The following PLCB1 variants were observed in gnomAD, a reference collection of about 807,000 sequenced individuals.
PLCB1 encodes the protein 1-phosphatidylinositol 4,5-bisphosphate phosphodiesterase beta-1.
A neutral mutation model predicts 161.8 loss-of-function variants in PLCB1; 46 were observed. The observed-to-expected ratio is 0.28, with a 90% confidence interval of 0.22 to 0.36. The LOEUF is 0.36. Ranked by LOEUF, PLCB1 falls within the 10% of genes least tolerant of loss-of-function variation. The probability of loss-of-function intolerance (pLI) is 1.00; values close to 1 mark genes in which losing one functional copy is unlikely to be tolerated. For synonymous variants in PLCB1, 517 were observed against 503.7 expected (o/e 1.03, Z -0.35); for missense variants, 1,016 against 1,472.5 (o/e 0.69, Z 5.07).
chr20:8,359,098 A>AT (rs201010868), intron 2 of PLCB1, among the ~76,000 whole-genome samples: 4 of 150,574 alleles, frequency 2.7e-5, no homozygotes, highest in African/African-American at 7.3e-5. Context: ...TTTTTACACA[A>AT]TTTTTTTTTT....
At chr20:8,326,247 A>G (rs569668158) in intron 2 of PLCB1, among the ~76,000 whole-genome samples, 1 of 152,318 alleles carries the variant, frequency 6.6e-6, no homozygotes, top group South Asian at 2.1e-4. Context: ...ATAGTGATAT[A>G]TTGACCTCTA....
At chr20:8,872,201 A>G (rs1290895988) in intron 31 of PLCB1, among the ~76,000 whole-genome samples, 1 of 152,210 alleles carries the variant, frequency 6.6e-6, no homozygotes, top group Admixed American at 6.5e-5. Context: ...AGCAAATATA[A>G]TTATTTAGGA....
chr20:8,841,700 A>G (rs1003856383), intron 31 of PLCB1, among the ~76,000 whole-genome samples: 5 of 152,294 alleles, frequency 3.3e-5, no homozygotes, highest in African/African-American at 7.2e-5. Flanking sequence ...CAGGATGCCA[A>G]TGAAGGAAAT....
chr20:8,539,439 G>A (rs532631841), intron 3 of PLCB1, among the ~76,000 whole-genome samples: 2 of 152,212 alleles, frequency 1.3e-5, no homozygotes, highest in South Asian at 4.1e-4. Context: ...CATATATTTA[G>A]CAATGATTCT....
intron 27 of PLCB1, among the ~76,000 whole-genome samples, chr20:8,775,963 T>C (rs1982923372): frequency 6.6e-6 from 1 of 152,176 alleles, no homozygotes. Context: ...AAAGAATGGC[T>C]GGGCAGGGGT....
Position 8,774,683 on chromosome 20 carries a change from T to C in PLCB1, c.3075T>C (p.Tyr1025=). The change falls in exon 27 of 32, where the codon TAT becomes TAC. Residue 1025 remains tyrosine (Y), a synonymous_variant. Coordinates refer to ENST00000338037, the MANE Select transcript of PLCB1 (RefSeq NM_015192.4). The part of the protein sequence containing the change: ...QLLNLRQEQY[Y]SEKYQKREHI... ...TTAATCTTCGGCAAGAACAGTATTA[T>C]AGTGAAAAATACCAGAAGCGAGAAC... The C allele has an allele frequency of 1.9e-6, 3 of 1,611,136 alleles. No homozygotes were observed. The highest frequency in any genetic ancestry group is 4.5e-5 in the East Asian group (2 of 44,844).
chr20:8,755,574 T>A (rs1283288542), intron 23 of PLCB1, among the ~76,000 whole-genome samples: 2 of 152,210 alleles, frequency 1.3e-5, no homozygotes, highest in Non-Finnish European at 2.9e-5. Flanking sequence ...CAAACATTTT[T>A]AAACTGTTTA....
intron 3 of PLCB1, among the ~76,000 whole-genome samples, chr20:8,439,171 A>T (rs16994779): frequency 6.6e-6 from 1 of 152,076 alleles, no homozygotes; most frequent in Non-Finnish European, 1.5e-5. Flanking sequence ...TTAACAGTCG[A>T]TGGAGTGCAA....
chr20:8,211,673 G>GAGATTCCTT (rs1978832327), intron 2 of PLCB1, among the ~76,000 whole-genome samples: 2 of 152,040 alleles, frequency 1.3e-5, no homozygotes, highest in South Asian at 4.1e-4. Flanking sequence ...TTGAGTTGCC[G>GAGATTCCTT]AGATTCCTTA....
At chr20:8,205,880 T>C (rs1978500313) in intron 2 of PLCB1, among the ~76,000 whole-genome samples, 1 of 152,128 alleles carries the variant, frequency 6.6e-6, no homozygotes, top group South Asian at 2.1e-4. Context: ...GTGTGCATTA[T>C]ACTATTAAGT....
intron 29 of PLCB1, 59 bp downstream of exon 29, chr20:8,788,781 C>A: frequency 1.8e-6 from 2 of 1,087,206 alleles, no homozygotes; most frequent in African/African-American, 1.6e-5. Context: ...TTATTTTGTA[C>A]GTCAGAGTCA....
chr20:8,532,848 C>T (rs6118236), intron 3 of PLCB1, among the ~76,000 whole-genome samples: 106,524 of 151,782 alleles, frequency 0.7, 37,735 homozygotes, highest in African/African-American at 0.81. Context: ...TTTTTTTCTT[C>T]CTTTTTATTT....
At chr20:8,342,075 T>C (rs1014823213) in intron 2 of PLCB1, among the ~76,000 whole-genome samples, 1 of 152,168 alleles carries the variant, frequency 6.6e-6, no homozygotes, top group Non-Finnish European at 1.5e-5. Context: ...AGAACATCTT[T>C]AAAGGTACCA....
At chr20:8,521,472 G>A (rs1020181445) in intron 3 of PLCB1, among the ~76,000 whole-genome samples, 1 of 152,180 alleles carries the variant, frequency 6.6e-6, no homozygotes, top group African/African-American at 2.4e-5. Context: ...GAGATGCTCA[G>A]GTGGGTGGAT....
chr20:8,298,533 GA>G (rs1332809498), intron 2 of PLCB1, among the ~76,000 whole-genome samples: 2 of 149,992 alleles, frequency 1.3e-5, no homozygotes, highest in African/African-American at 2.5e-5. Context: ...TAAATATACT[GA>G]AAAAAACCTT....
intron 31 of PLCB1, among the ~76,000 whole-genome samples, chr20:8,836,083 G>A (rs1159186936): frequency 6.6e-6 from 1 of 151,950 alleles, no homozygotes; most frequent in African/African-American, 2.4e-5. Flanking sequence ...GGAGTGACGG[G>A]GCCCTGTGTC....
In PLCB1 at chr20:8,303,810, ATT is replaced by A. The variant is rs758681369; in HGVS notation, c.178-67571_178-67570del. Among the ~76,000 whole-genome samples the A allele has an allele frequency of 2.4e-4, 36 of 152,316 alleles. No individual in the cohort carries two copies. In the South Asian group the frequency reaches 6.6e-3, roughly 28 times the overall value. On this transcript the variant is annotated intron_variant, in intron 2 of 31. Transcript: ENST00000338037. ...TCAAATGTGCCTCATCGAGTCCCAA[ATT>A]GGAGATGTGTTTTTGTCATTTCAAA... is the stretch of plus-strand genomic sequence containing the variant.
intron 11 of PLCB1, among the ~76,000 whole-genome samples, chr20:8,704,984 C>CTTTTTTTTTTTTTTTTTT (rs368791318): frequency 2.5e-5 from 3 of 118,806 alleles, no homozygotes; most frequent in African/African-American, 6.6e-5. Flanking sequence ...CTCCTTTACT[C>CTTTTTTTTTTTTTTTTTT]TTTTTTTTTT....
chr20:8,749,163 G>A (rs1046375662), intron 23 of PLCB1, among the ~76,000 whole-genome samples: 2 of 152,162 alleles, frequency 1.3e-5, no homozygotes, highest in African/African-American at 4.8e-5. Context: ...AACACAGATC[G>A]ATGGGTGTCG....
Sources: allele counts gnomAD v4.1 joint callset (sites outside exome capture counted in the v4.1 genomes callset), GRCh38; gene constraint gnomAD v4.1.1; transcripts MANE v1.5; gene names NCBI Gene and HGNC (gene_info 2026-07-23, HGNC 2026-07-21).